Variants in FBXL17 observed in about 807,000 individuals in gnomAD.
The protein encoded by FBXL17 is F-box/LRR-repeat protein 17.
Under a neutral mutation model 66.2 loss-of-function variants are expected in FBXL17, and 22 were observed. That is an observed-to-expected ratio of 0.33 (90% CI 0.24 to 0.47). The LOEUF is 0.47. Ranked by LOEUF, FBXL17 falls within the 20% of genes least tolerant of loss-of-function variation. The pLI is 1.00. For synonymous variants in FBXL17, 474 were observed against 400.5 expected (o/e 1.18, Z -2.19); for missense variants, 878 against 948.2 (o/e 0.93, Z 0.97).
chr5:108,306,412 T>TTC (rs1758843454), intron 4 of FBXL17, among the ~76,000 whole-genome samples: 1 of 152,132 alleles, frequency 6.6e-6, no homozygotes, highest in South Asian at 2.1e-4. Context: ...TAGTTAAGAA[T>TTC]ATGAATTTTG....
intron 4 of FBXL17, among the ~76,000 whole-genome samples, chr5:108,238,972 A>G (rs965421614): frequency 6.6e-6 from 1 of 152,226 alleles, no homozygotes; most frequent in Non-Finnish European, 1.5e-5. Context: ...GAGCTATAAC[A>G]AATATTACTT....
At chr5:107,932,863 T>C (rs1166825586) in intron 7 of FBXL17, among the ~76,000 whole-genome samples, 6 of 128,138 alleles carry the variant, frequency 4.7e-5, no homozygotes, top group Admixed American at 4.6e-4. Context: ...ACGAGCCAGC[T>C]AAGAAATACA....
intron 6 of FBXL17, among the ~76,000 whole-genome samples, chr5:108,081,701 C>T (rs567073818): frequency 1.3e-5 from 2 of 151,940 alleles, no homozygotes; most frequent in East Asian, 1.9e-4. Context: ...CCAGCCTGGG[C>T]GACAGAGTGA....
chr5:108,236,599 G>A (rs929531344), intron 4 of FBXL17, among the ~76,000 whole-genome samples: 1 of 151,708 alleles, frequency 6.6e-6, no homozygotes, highest in Admixed American at 6.6e-5. Flanking sequence ...AAATATCAAT[G>A]ACAATGTGGA....
intron 6 of FBXL17, 74 bp downstream of exon 6, chr5:108,186,043 G>T (rs2150032157): frequency 8.2e-7 from 1 of 1,214,102 alleles, no homozygotes; most frequent in Non-Finnish European, 1.2e-6. Context: ...TTATAGACAT[G>T]CCTTGTTATA....
At chr5:108,022,396 C>T (rs927462315) in intron 6 of FBXL17, among the ~76,000 whole-genome samples, 1 of 151,846 alleles carries the variant, frequency 6.6e-6, no homozygotes, top group Non-Finnish European at 1.5e-5. Context: ...CGAAACATTA[C>T]CAACAATAAC....
chr5:108,224,333 C>T (rs1171376966), intron 4 of FBXL17, 105 bp from the exon 5 acceptor site: 1 of 526,854 alleles, frequency 1.9e-6, no homozygotes, highest in East Asian at 3.1e-5. Context: ...ATTACTATTT[C>T]CTGCCCTGTT....
chr5:108,168,795 A>G (rs1752503182), intron 6 of FBXL17, among the ~76,000 whole-genome samples: 1 of 152,202 alleles, frequency 6.6e-6, no homozygotes, highest in African/African-American at 2.4e-5. Context: ...TGCTTTACCA[A>G]CTGCAACATG....
intron 1 of FBXL17, among the ~76,000 whole-genome samples, chr5:108,370,424 C>G (rs560773994): frequency 1.3e-5 from 2 of 152,084 alleles, no homozygotes; most frequent in Non-Finnish European, 2.9e-5. Context: ...AGTTTTTCCT[C>G]CAACAAGTCT....
At chr5:107,975,777 G>A (rs1752553551) in intron 7 of FBXL17, among the ~76,000 whole-genome samples, 2 of 151,336 alleles carry the variant, frequency 1.3e-5, no homozygotes, top group South Asian at 4.2e-4. Flanking sequence ...AGGATGCATG[G>A]AATCTAAACC....
intron 4 of FBXL17, among the ~76,000 whole-genome samples, chr5:108,273,374 T>C (rs1356743191): frequency 6.6e-6 from 1 of 150,892 alleles, no homozygotes; most frequent in Non-Finnish European, 1.5e-5. Flanking sequence ...AAAAGGAAAA[T>C]GAACAAAAAA....
chr5:108,380,924 C>T lies in FBXL17; in HGVS notation c.768G>A (p.Gln256=), dbSNP rs957988269. 126 of 1,223,380 alleles carry T rather than the reference C, an allele frequency of 1.0e-4. No individual in the cohort carries two copies. Among genetic ancestry groups the T allele is most frequent in the Non-Finnish European group, 1.2e-4 (120 of 979,690 alleles). 75.8% of individuals were successfully genotyped at this position (1,223,380 alleles called of 1,614,324 possible). A position where few individuals can be genotyped will look rare whatever the true frequency, so the allele number is the denominator to read the frequency against. ...GAGAAGAGGGCGGAGGGCAGAGCGG[C>T]TGCGGGGGCTGCTCCGGGGCCTGGC... ...GCCQAPEQPP[Q]PLCPPPSSPT... is the part of the protein sequence containing the mutation. The change falls in exon 1 of 9, where the codon CAG becomes CAA. Residue 256 remains glutamine, a synonymous_variant. Coordinates refer to ENST00000542267, the MANE Select transcript of FBXL17 (RefSeq NM_001163315.3).
chr5:107,878,567 T>C, intron 8 of FBXL17: 1 of 974,138 alleles, frequency 1.0e-6, no homozygotes, highest in Non-Finnish European at 1.2e-6. Context: ...ACTCTGGCTC[T>C]CCGCAGACCA....
intron 3 of FBXL17, among the ~76,000 whole-genome samples, chr5:108,353,876 TAC>T (rs1747796170): frequency 6.6e-6 from 1 of 152,182 alleles, no homozygotes; most frequent in East Asian, 1.9e-4. Context: ...ACCACTACAT[TAC>T]TAAAGGCCCA....
At chr5:107,944,373 G>A (rs1751213967) in intron 7 of FBXL17, among the ~76,000 whole-genome samples, 1 of 152,052 alleles carries the variant, frequency 6.6e-6, no homozygotes, top group Admixed American at 6.6e-5. Flanking sequence ...TCTTCTATGT[G>A]TCTGCTCTCA....
At chr5:107,905,224 T>C (rs1056057709) in intron 7 of FBXL17, among the ~76,000 whole-genome samples, 2 of 152,066 alleles carry the variant, frequency 1.3e-5, no homozygotes, top group African/African-American at 4.8e-5. Context: ...TAATTGTATA[T>C]ATACATAAAA....
rs575603861 is a variant in FBXL17, at chr5:108,246,856, C to A, written c.1507-22628G>T. ...TAAGAAACAAAATCATCAAGAAAAG[C>A]ATATATTTGCTCAATGATGTATTTG... is the stretch of plus-strand genomic sequence containing the variant. On this transcript the variant is annotated intron_variant, in intron 4 of 8. Transcript: ENST00000542267. 2.6e-5 allele frequency among the ~76,000 whole-genome samples: 4 copies of A among 152,272 alleles called. No individual in the cohort carries two copies. In the East Asian group the frequency reaches 7.7e-4, roughly 29 times the overall value.
chr5:108,224,007 T>C, intron 5 of FBXL17, 114 bp downstream of exon 5: 2 of 412,838 alleles, frequency 4.8e-6, no homozygotes, highest in Non-Finnish European at 4.4e-6. Context: ...TATCAAACAT[T>C]AGTAGGCTTC....
chr5:107,906,793 T>C (rs1749777504), intron 7 of FBXL17, among the ~76,000 whole-genome samples: 1 of 152,008 alleles, frequency 6.6e-6, no homozygotes. Context: ...AACTAAGGAG[T>C]GGAATACCGT....
Sources: allele counts gnomAD v4.1 joint callset (sites outside exome capture counted in the v4.1 genomes callset), GRCh38; gene constraint gnomAD v4.1.1; transcripts MANE v1.5; gene names NCBI Gene and HGNC (gene_info 2026-07-23, HGNC 2026-07-21).